The following TRAPPC13 variants were observed in gnomAD, a reference collection of about 807,000 sequenced individuals.
TRAPPC13 encodes REV7-interacting novel NHEJ regulator 1.
Under a neutral mutation model 54.0 loss-of-function variants are expected in TRAPPC13, and 39 were observed. That is an observed-to-expected ratio of 0.72 (90% CI 0.56 to 0.94). TRAPPC13 has a LOEUF of 0.94. Ranked by LOEUF, TRAPPC13 falls within the 40% of genes least tolerant of loss-of-function variation. The probability of loss-of-function intolerance (pLI) is 0.00; values close to 1 mark genes in which losing one functional copy is unlikely to be tolerated. For missense variants in TRAPPC13, 386 were observed against 488.1 expected, an observed-to-expected ratio of 0.79 and a Z score of 1.97; for synonymous variants, 148 against 167.7, an observed-to-expected ratio of 0.88 and a Z score of 0.91.
chr5:65,627,641 G>T (rs566278901), intron 1 of TRAPPC13, among the ~76,000 whole-genome samples: 3 of 149,182 alleles, frequency 2.0e-5, no homozygotes, highest in Non-Finnish European at 4.4e-5. Context: ...AAAAAAAAAA[G>T]TCATCCCTTG....
chr5:65,658,331 C>T (rs765612665), intron 8 of TRAPPC13, 37 bp from the exon 9 acceptor site: 8 of 1,548,096 alleles, frequency 5.2e-6, no homozygotes, highest in African/African-American at 1.4e-5. Flanking sequence ...TTTTAAATGC[C>T]ACCACACCTT....
intron 11 of TRAPPC13, chr5:65,662,953 C>T (rs1240342360): frequency 6.6e-6 from 1 of 152,092 alleles, no homozygotes; most frequent in Non-Finnish European, 1.5e-5. Context: ...TAGTGACACT[C>T]ATATATTGTG....
intron 1 of TRAPPC13, chr5:65,629,429 C>G (rs43207): frequency 1.5e-6 from 2 of 1,320,048 alleles, no homozygotes; most frequent in African/African-American, 3.0e-5. Flanking sequence ...GGCAGGGTAT[C>G]CCTACCATAT....
chr5:65,655,475 A>C (rs1581230238), intron 7 of TRAPPC13, among the ~76,000 whole-genome samples, 161 bp from the exon 8 acceptor site: 2 of 152,164 alleles, frequency 1.3e-5, no homozygotes, highest in East Asian at 1.9e-4. Flanking sequence ...ATGGTTTGTC[A>C]TATTTCTTTA....
At chr5:65,646,868 G>T (rs1756230071) in intron 4 of TRAPPC13, among the ~76,000 whole-genome samples, 187 bp from the exon 5 acceptor site, 1 of 151,640 alleles carries the variant, frequency 6.6e-6, no homozygotes, top group Non-Finnish European at 1.5e-5. Context: ...GGGTTGGGGG[G>T]GTGTGCCATT....
chr5:65,652,850 T>A, intron 7 of TRAPPC13: 1 of 367,290 alleles, frequency 2.7e-6, no homozygotes. Context: ...AGCAATCTGT[T>A]GAATATTTAC....
At chr5:65,662,321 T>C in intron 11 of TRAPPC13, 171 bp downstream of exon 11, 1 of 496,688 alleles carries the variant, frequency 2.0e-6, no homozygotes, top group South Asian at 3.2e-5. Context: ...TATAATTACA[T>C]ATTTTTAAGG....
rs77584246 is a variant in TRAPPC13 at position 65,632,303 on chromosome 5, T to A, written c.47-2998T>A. 2.4e-3 allele frequency among the ~76,000 whole-genome samples: 360 copies of A among 152,316 alleles called. 2 individuals carry two copies. Among genetic ancestry groups the A allele is most frequent in the African/African-American group, 8.3e-3 (346 of 41,552 alleles). On this transcript the variant is annotated intron_variant, in intron 1 of 12. Coordinates refer to ENST00000399438, the MANE Select transcript of TRAPPC13 (RefSeq NM_024941.4). ...TTAAATTGGGAGAAACTGCCTCCTG[T>A]GTATCACTTTCAGGGCACCTTTTTA...
intron 5 of TRAPPC13, among the ~76,000 whole-genome samples, chr5:65,648,248 T>A (rs914532617): frequency 6.6e-6 from 1 of 152,254 alleles, no homozygotes; most frequent in Non-Finnish European, 1.5e-5. Flanking sequence ...AGTTTACTTC[T>A]ACTTCTCTTT....
At chr5:65,645,069 G>C (rs185835092) in intron 4 of TRAPPC13, among the ~76,000 whole-genome samples, 36 of 150,008 alleles carry the variant, frequency 2.4e-4, no homozygotes, top group African/African-American at 7.4e-4. Context: ...GTGGTGACGG[G>C]CGCCTGTAAT....
chr5:65,629,600 G>T (rs1267774077), intron 1 of TRAPPC13: 1 of 1,531,550 alleles, frequency 6.5e-7, no homozygotes. Context: ...GACTACAGAA[G>T]TAATATTACA....
chr5:65,651,061 A>C (rs1561772951), intron 6 of TRAPPC13, among the ~76,000 whole-genome samples, 179 bp downstream of exon 6: 1 of 152,244 alleles, frequency 6.6e-6, no homozygotes, highest in Non-Finnish European at 1.5e-5. Flanking sequence ...GAATAAAAGC[A>C]GAAGAATTAT....
intron 1 of TRAPPC13, among the ~76,000 whole-genome samples, chr5:65,634,265 G>C (rs1190077118): frequency 2.0e-5 from 3 of 151,922 alleles, no homozygotes; most frequent in Non-Finnish European, 4.4e-5. Context: ...GATTACAGGC[G>C]TGAGCCACCA....
chr5:65,639,515 G>A (rs1055174093), intron 4 of TRAPPC13, among the ~76,000 whole-genome samples: 10 of 152,152 alleles, frequency 6.6e-5, no homozygotes, highest in Admixed American at 1.3e-4. Context: ...TTAAAAAGTA[G>A]TTGAGCATGC....
chr5:65,636,799 C>T (rs37342), intron 3 of TRAPPC13, among the ~76,000 whole-genome samples: 38,219 of 151,986 alleles, frequency 0.25, 5,099 homozygotes, highest in Non-Finnish European at 0.3. Context: ...CCCCTGGTTC[C>T]ACTCTGTTTG....
At chr5:65,655,822 T>TGTA (rs1266790253) in intron 8 of TRAPPC13, among the ~76,000 whole-genome samples, 169 bp downstream of exon 8, 202 of 152,292 alleles carry the variant, frequency 1.3e-3, no homozygotes, top group Non-Finnish European at 2.3e-3. Flanking sequence ...TTTAATTATA[T>TGTA]CAATTTTCTA....
At chr5:65,626,872 G>T (rs1755259253) in intron 1 of TRAPPC13, among the ~76,000 whole-genome samples, 2 of 152,100 alleles carry the variant, frequency 1.3e-5, no homozygotes, top group Admixed American at 6.5e-5. Flanking sequence ...AGCCAGGCGT[G>T]GTGGCTCACG....
At chr5:65,629,355 G>C in intron 1 of TRAPPC13, 2 of 736,874 alleles carry the variant, frequency 2.7e-6, no homozygotes, top group Non-Finnish European at 3.7e-6. Flanking sequence ...TAGCACTTTG[G>C]TAAAATACCA....
chr5:65,637,828 T>A, intron 4 of TRAPPC13, 48 bp downstream of exon 4: 2 of 1,214,208 alleles, frequency 1.6e-6, no homozygotes, highest in Middle Eastern at 2.0e-4. Flanking sequence ...TAACAAAGGT[T>A]TTTTTTTAGG....
Sources: allele counts gnomAD v4.1 joint callset (sites outside exome capture counted in the v4.1 genomes callset), GRCh38; gene constraint gnomAD v4.1.1; transcripts MANE v1.5; gene names NCBI Gene and HGNC (gene_info 2026-07-23, HGNC 2026-07-21).